The following SIPA1L1 variants were observed in gnomAD, a reference collection of about 807,000 sequenced individuals.
SIPA1L1 encodes signal-induced proliferation-associated 1-like protein 1.
A neutral mutation model predicts 162.7 loss-of-function variants in SIPA1L1; 26 were observed. The ratio of observed to expected loss-of-function variants is 0.16; its 90% confidence interval spans 0.12 to 0.22. The LOEUF is 0.22. Among genes scored for constraint, SIPA1L1 ranks in the 10% least tolerant of loss-of-function variants. The pLI is 1.00. For synonymous variants in SIPA1L1, 829 were observed against 837.4 expected (o/e 0.99, Z 0.17); for missense variants, 1,874 against 2,241.0 (o/e 0.84, Z 3.31).
At chr14:71,528,042 T>TGGTAC (rs2145203633) in intron 3 of SIPA1L1, among the ~76,000 whole-genome samples, 1 of 152,232 alleles carries the variant, frequency 6.6e-6, no homozygotes, top group South Asian at 2.1e-4. Context: ...CGTGAGCCAT[T>TGGTAC]GTACCGGCTA....
intron 2 of SIPA1L1, among the ~76,000 whole-genome samples, chr14:71,498,743 T>C (rs2049980007): frequency 6.6e-6 from 1 of 152,220 alleles, no homozygotes; most frequent in South Asian, 2.1e-4. Context: ...ACCAACTCTT[T>C]TGCTGCTTTT....
chr14:71,509,022 G>A (rs1282985964), intron 2 of SIPA1L1, among the ~76,000 whole-genome samples: 1 of 152,216 alleles, frequency 6.6e-6, no homozygotes, highest in African/African-American at 2.4e-5. Context: ...TCCAAGGCCT[G>A]CTGCTTCTCC....
chr14:71,438,237 T>A (rs1010626836), intron 2 of SIPA1L1, among the ~76,000 whole-genome samples: 34 of 152,192 alleles, frequency 2.2e-4, no homozygotes, highest in Admixed American at 6.5e-5. Flanking sequence ...TCAAACTTCT[T>A]TAATCATCAC....
intron 2 of SIPA1L1, among the ~76,000 whole-genome samples, chr14:71,489,892 CG>C: frequency 6.6e-6 from 1 of 152,186 alleles, no homozygotes; most frequent in South Asian, 2.1e-4. Flanking sequence ...GCAGCTCTCA[CG>C]GGGCTGGAAG....
intron 5 of SIPA1L1, among the ~76,000 whole-genome samples, chr14:71,602,194 A>G (rs2036851397): frequency 6.6e-6 from 1 of 152,178 alleles, no homozygotes; most frequent in Admixed American, 6.5e-5. Context: ...TGTGTTGCTC[A>G]TTGTTATAAA....
intron 2 of SIPA1L1, among the ~76,000 whole-genome samples, chr14:71,373,201 C>T (rs1429986930): frequency 2.0e-5 from 3 of 151,634 alleles, no homozygotes; most frequent in Non-Finnish European, 4.4e-5. Context: ...GTCCCGGCTA[C>T]TCGGGAGGCT....
Position 71,500,351 on chromosome 14 carries a change from C to T in SIPA1L1, c.-464-12392C>T, listed in dbSNP as rs2050109253. Among the ~76,000 whole-genome samples the T allele has an allele frequency of 2.6e-5, 4 of 152,188 alleles. 1 individual carries two copies. The highest frequency in any genetic ancestry group is 2.6e-4 in the Admixed American group (4 of 15,290). ...ATCTAAGACTTGAAGAAGCAATTCACAAAAGAAGATGCTCATTTGGACAAT... is the reference window on the plus strand; with the variant it reads ...ATCTAAGACTTGAAGAAGCAATTCATAAAAGAAGATGCTCATTTGGACAAT... On this transcript the variant is annotated intron_variant, in intron 2 of 23. Transcript: ENST00000381232.
chr14:71,572,140 C>A (rs1283137891), intron 4 of SIPA1L1, among the ~76,000 whole-genome samples: 1 of 152,078 alleles, frequency 6.6e-6, no homozygotes, highest in Non-Finnish European at 1.5e-5. Flanking sequence ...GCTACCAGTT[C>A]TACTCCCATG....
chr14:71,522,605 AT>A (rs1044373712), intron 3 of SIPA1L1, among the ~76,000 whole-genome samples: 4 of 151,720 alleles, frequency 2.6e-5, no homozygotes, highest in African/African-American at 9.7e-5. Flanking sequence ...CGGATTTCAG[AT>A]TTTCCGATTT....
chr14:71,598,419 T>C (rs1055310423), intron 5 of SIPA1L1: 1 of 163,014 alleles, frequency 6.1e-6, no homozygotes, highest in African/African-American at 2.4e-5. Context: ...CTTACCTAAG[T>C]GAATCAAGGT....
intron 12 of SIPA1L1, among the ~76,000 whole-genome samples, chr14:71,680,340 G>A (rs2045677552): frequency 6.6e-6 from 1 of 152,194 alleles, no homozygotes. Context: ...GGTTTATAAC[G>A]AAATGAAGGC....
At chr14:71,735,681 C>G (rs1245601534) in intron 22 of SIPA1L1, 2 of 291,162 alleles carry the variant, frequency 6.9e-6, no homozygotes, top group African/African-American at 4.4e-5. Context: ...AGACCATTTG[C>G]TCTAAGTATT....
Position 71,588,206 on chromosome 14 carries a change from A to C in SIPA1L1, c.334A>C (p.Lys112Gln), listed in dbSNP as rs1371810208. Residue 112 changes from lysine (K) to glutamine (Q), a missense_variant, in exon 5 of 24, where the codon AAA (lysine) becomes CAA (glutamine). Physicochemically the swap from Lys to Gln is moderately conservative, Grantham distance 53. This residue lies in a region of SIPA1L1 where 685 missense variants were observed against 828.0 expected (regional missense o/e 0.83). Coordinates refer to ENST00000381232, the MANE Select transcript of SIPA1L1 (RefSeq NM_001386936.1). This position sits in a 1 kb window ranked among gnomAD's most constrained non-coding sequence, Gnocchi z 4.3. ...TSSCLDSLSS[K>Q]SSPVSQGSSV... The stretch of plus-strand genomic sequence containing the variant: ...AAGTTGCCTTGATAGCCTGTCCTCC[A>C]AAAGCAGTCCTGTGAGTCAGGGAAG... 1 of 1,614,184 alleles carries C rather than the reference A, an allele frequency of 6.2e-7. No individual in the cohort carries two copies. Among genetic ancestry groups the C allele is most frequent in the East Asian group, 2.2e-5 (1 of 44,892 alleles).
chr14:71,738,878 A>C, intron 23 of SIPA1L1, 140 bp from the exon 24 acceptor site: 1 of 900,614 alleles, frequency 1.1e-6, no homozygotes, highest in Non-Finnish European at 1.6e-6. Flanking sequence ...ACCTGATACC[A>C]GTCCGTTTAG....
At chr14:71,732,341 T>C in intron 20 of SIPA1L1, among the ~76,000 whole-genome samples, 1 of 152,228 alleles carries the variant, frequency 6.6e-6, no homozygotes, top group East Asian at 1.9e-4. Context: ...TGCATGGACC[T>C]GAGTGTCGCA....
chr14:71,571,628 GTTTATTTATTTATTTA>G (rs374571269), intron 4 of SIPA1L1, among the ~76,000 whole-genome samples: 1 of 151,012 alleles, frequency 6.6e-6, no homozygotes, highest in South Asian at 2.1e-4. Context: ...AAACTGGATG[GTTTATTTATTTATTTA>G]TTTATTTATT....
intron 5 of SIPA1L1, among the ~76,000 whole-genome samples, chr14:71,592,988 G>A (rs1481298726): frequency 1.3e-5 from 2 of 152,060 alleles, no homozygotes; most frequent in African/African-American, 4.8e-5. Flanking sequence ...TAATAATATA[G>A]CTAACATGCA....
At chr14:71,375,656 A>T (rs1172967034) in intron 2 of SIPA1L1, among the ~76,000 whole-genome samples, 1 of 152,156 alleles carries the variant, frequency 6.6e-6, no homozygotes, top group East Asian at 1.9e-4. Context: ...TACTCTTCTC[A>T]GGAGAAAATA....
intron 17 of SIPA1L1, among the ~76,000 whole-genome samples, chr14:71,713,715 C>T (rs1423253648): frequency 1.3e-5 from 2 of 152,198 alleles, no homozygotes; most frequent in Non-Finnish European, 2.9e-5. Context: ...CCTCAGGCTA[C>T]TCTGGCACAC....
Sources: gnomAD v4.1 joint callset for allele counts (sites outside exome capture counted in the v4.1 genomes callset) on GRCh38, gnomAD v4.1.1 for gene constraint, gnomAD v4.1.1 regional missense constraint, Gnocchi (gnomAD v3.1) non-coding constraint, MANE v1.5 for transcripts, NCBI Gene and HGNC (gene_info 2026-07-23, HGNC 2026-07-21) for gene names.